Variants in DAB1 observed in about 807,000 individuals in gnomAD.
DAB1 encodes disabled homolog 1.
In DAB1, 15 loss-of-function variants were observed where a neutral mutation model predicts 64.6. That is an observed-to-expected ratio of 0.23 (90% confidence interval 0.16 to 0.36). DAB1 has a LOEUF of 0.36. DAB1 is among the 10% of genes least tolerant of loss of function. The pLI, the probability that DAB1 is intolerant of heterozygous loss-of-function variation, is 1.00. For missense variants in DAB1, 596 were observed against 706.7 expected, an observed-to-expected ratio of 0.84 and a Z score of 1.78; for synonymous variants, 235 against 251.9, an observed-to-expected ratio of 0.93 and a Z score of 0.64.
chr1:57,561,837 A>C (rs1645056053), intron 7 of DAB1, among the ~76,000 whole-genome samples: 1 of 152,230 alleles, frequency 6.6e-6, no homozygotes, highest in African/African-American at 2.4e-5. Context: ...ATATGGCACC[A>C]TTCCTTGCAG....
intron 7 of DAB1, among the ~76,000 whole-genome samples, chr1:57,442,768 C>T (rs867127061): frequency 1.3e-5 from 2 of 152,298 alleles, no homozygotes; most frequent in South Asian, 4.1e-4. Flanking sequence ...GCCGCCCCTG[C>T]GAGTGTCATT....
intron 4 of DAB1, among the ~76,000 whole-genome samples, chr1:58,251,359 C>T (rs115972410): frequency 0.014 from 2,123 of 152,174 alleles, 21 homozygotes; most frequent in Middle Eastern, 0.031. Context: ...TTTAGTAAGA[C>T]GGAAAATAAA....
chr1:57,730,590 T>C (rs1050360637), intron 6 of DAB1, among the ~76,000 whole-genome samples: 6 of 152,196 alleles, frequency 3.9e-5, no homozygotes, highest in African/African-American at 9.6e-5. Flanking sequence ...GGAGGGCCTA[T>C]AGATTTTGGG....
intron 9 of DAB1, among the ~76,000 whole-genome samples, chr1:57,040,800 G>A (rs1647668387): frequency 6.6e-6 from 1 of 152,198 alleles, no homozygotes; most frequent in Non-Finnish European, 1.5e-5. Flanking sequence ...CTCCTAACAA[G>A]ATTTGGCATC....
At chr1:58,506,302 T>G (rs1247662971) in intron 2 of DAB1, 2 of 667,662 alleles carry the variant, frequency 3.0e-6, no homozygotes, top group African/African-American at 3.6e-5. Context: ...CTATTATAAT[T>G]ATACTTTAAG....
chr1:57,608,131 CTG>C (rs1645679897), intron 7 of DAB1, among the ~76,000 whole-genome samples: 1 of 152,158 alleles, frequency 6.6e-6, no homozygotes, highest in African/African-American at 2.4e-5. Flanking sequence ...GGAGATATGA[CTG>C]TACATATGTG....
chr1:57,441,310 CTTT>C (rs1685947786), intron 7 of DAB1, among the ~76,000 whole-genome samples: 1 of 74,074 alleles, frequency 1.3e-5, no homozygotes, highest in Non-Finnish European at 2.5e-5. Context: ...TTCTTTCTTT[CTTT>C]CTTTCTTCTT....
chr1:58,436,543 G>C (rs1644946658), intron 3 of DAB1, among the ~76,000 whole-genome samples: 1 of 152,206 alleles, frequency 6.6e-6, no homozygotes, highest in Non-Finnish European at 1.5e-5. Context: ...TGGAGATGAA[G>C]TTGGCTCCTT....
intron 2 of DAB1, among the ~76,000 whole-genome samples, chr1:57,289,641 T>C (rs1284324582): frequency 2.0e-5 from 3 of 152,204 alleles, no homozygotes; most frequent in Admixed American, 1.3e-4. Context: ...CCTTACTTCA[T>C]ATAGAGTGTC....
At chr1:57,038,483 C>T (rs911929050) in intron 9 of DAB1, among the ~76,000 whole-genome samples, 1 of 152,134 alleles carries the variant, frequency 6.6e-6, no homozygotes, top group Non-Finnish European at 1.5e-5. Flanking sequence ...GGTGGTCTTG[C>T]TGGACTCAAT....
Position 58,092,265 on chromosome 1 carries a change from G to A in DAB1, n.387+58246C>T, listed in dbSNP as rs534847242. Among the ~76,000 whole-genome samples, 6 of 151,874 alleles carry A rather than the reference G, an allele frequency of 4.0e-5. No homozygotes were observed. In the South Asian group the frequency reaches 1.3e-3, roughly 32 times the overall value. On this transcript the variant is annotated intron_variant and non_coding_transcript_variant, in intron 5 of 20. Coordinates refer to the DAB1 transcript ENST00000485760. Reference sequence around the variant, plus strand: ...GCAGAGAATTGCTTGAACCCAGCAGGGGCATTGCAGCGAGTCAAGATCGCA... The same window carrying A: ...GCAGAGAATTGCTTGAACCCAGCAGAGGCATTGCAGCGAGTCAAGATCGCA...
intron 4 of DAB1, among the ~76,000 whole-genome samples, chr1:58,167,080 C>T (rs1655881542): frequency 6.6e-6 from 1 of 150,940 alleles, no homozygotes; most frequent in African/African-American, 2.4e-5. Flanking sequence ...TGCCAAATTG[C>T]TGCCATAATG....
At chr1:57,650,574 G>C (rs1262635612) in intron 6 of DAB1, among the ~76,000 whole-genome samples, 1 of 152,248 alleles carries the variant, frequency 6.6e-6, no homozygotes, top group South Asian at 2.1e-4. Context: ...TGTTGATAAA[G>C]TTTAAGCTCA....
intron 2 of DAB1, among the ~76,000 whole-genome samples, chr1:57,206,684 T>A (rs1266435224): frequency 6.6e-6 from 1 of 152,164 alleles, no homozygotes; most frequent in African/African-American, 2.4e-5. Flanking sequence ...AAAATCCAGA[T>A]CCTTTTGGTT....
At chr1:57,012,333 C>T (rs886442969) in intron 12 of DAB1, among the ~76,000 whole-genome samples, 2 of 152,180 alleles carry the variant, frequency 1.3e-5, no homozygotes, top group East Asian at 1.9e-4. Flanking sequence ...AGGCACTTCC[C>T]ATTCATTATA....
At chr1:58,415,019 G>A (rs191593640) in intron 3 of DAB1, among the ~76,000 whole-genome samples, 1 of 152,244 alleles carries the variant, frequency 6.6e-6, no homozygotes, top group East Asian at 1.9e-4. Flanking sequence ...TTTAACTGTT[G>A]AAGCCTTAAC....
chr1:58,202,836 CA>C (rs1324301324), intron 4 of DAB1, among the ~76,000 whole-genome samples: 1 of 152,144 alleles, frequency 6.6e-6, no homozygotes, highest in Non-Finnish European at 1.5e-5. Context: ...TCATTCTCCA[CA>C]GGTAGGTTAT....
chr1:57,277,531 G>A (rs557761863), intron 2 of DAB1, among the ~76,000 whole-genome samples: 24 of 152,136 alleles, frequency 1.6e-4, no homozygotes, highest in Non-Finnish European at 2.8e-4. Flanking sequence ...CAAGTTGCAC[G>A]ATTCCCACCT....
chr1:57,541,992 G>A (rs541283560), intron 7 of DAB1, among the ~76,000 whole-genome samples: 1 of 152,024 alleles, frequency 6.6e-6, no homozygotes, highest in Non-Finnish European at 1.5e-5. Context: ...GTGGGGGAGG[G>A]TGTGTGCAAG....
Sources: gnomAD v4.1 joint callset for allele counts (sites outside exome capture counted in the v4.1 genomes callset) on GRCh38, gnomAD v4.1.1 for gene constraint, MANE v1.5 for transcripts, NCBI Gene and HGNC (gene_info 2026-07-23, HGNC 2026-07-21) for gene names.